Variants in PRH1 observed in about 807,000 individuals in gnomAD.
The protein encoded by PRH1 is salivary acidic proline-rich phosphoprotein 1/2.
Under a neutral mutation model 7.9 loss-of-function variants are expected in PRH1, and 7 were observed. The observed-to-expected ratio is 0.89, with a 90% CI of 0.50 to 1.67. PRH1 has a LOEUF of 1.67. Among genes scored for constraint, PRH1 ranks in the 40% most tolerant of loss-of-function variants. PRH1 has a pLI of 0.00. For synonymous variants in PRH1, 45 were observed against 80.8 expected, an observed-to-expected ratio of 0.56 and a Z score of 2.38; for missense variants, 109 against 223.6, an observed-to-expected ratio of 0.49 and a Z score of 3.27.
chr12:10,933,868 T>G (rs1591695079), intron 2 of PRH1, among the ~76,000 whole-genome samples: 1 of 152,082 alleles, frequency 6.6e-6, no homozygotes, highest in East Asian at 1.9e-4. Context: ...AACAAGCACA[T>G]AACAGAGATA....
intron 1 of PRH1, among the ~76,000 whole-genome samples, chr12:10,978,750 A>T (rs1209324090): frequency 2.0e-5 from 3 of 151,706 alleles, no homozygotes; most frequent in Non-Finnish European, 4.4e-5. Context: ...CCATTTAAAA[A>T]TGAATAAAAG....
rs766350254 is a variant in PRH1 at position 11,134,013 on chromosome 12, C to T, written n.40-12833G>A. 3 of 1,614,070 alleles carry T rather than the reference C, an allele frequency of 1.9e-6. No homozygotes were observed. In the Admixed American group the frequency reaches 5.0e-5, roughly 27 times the overall value. On this transcript the variant is annotated intron_variant and non_coding_transcript_variant, in intron 1 of 1. Transcript: ENST00000541175. ...TTATAAGCAGTAATTCTTACTTCTA[C>T]ACTATAAAAAGCTGGATTCAACTGA... is the stretch of plus-strand genomic sequence containing the variant.
intron 1 of PRH1, among the ~76,000 whole-genome samples, chr12:11,147,341 C>A (rs1375403245): frequency 6.6e-6 from 1 of 152,054 alleles, no homozygotes; most frequent in Admixed American, 6.6e-5. Context: ...GTGTGTGCCA[C>A]CACACACCGC....
intron 1 of PRH1, among the ~76,000 whole-genome samples, chr12:11,029,439 T>C (rs924950139): frequency 6.6e-6 from 1 of 152,208 alleles, no homozygotes; most frequent in African/African-American, 2.4e-5. Context: ...TGATTTTATT[T>C]TTCAAAAAGA....
intron 1 of PRH1, chr12:11,091,246 A>C: frequency 2.7e-6 from 3 of 1,107,260 alleles, no homozygotes; most frequent in Non-Finnish European, 2.5e-6. Context: ...AAAATGTTTC[A>C]TACACCACCA....
In PRH1 at chr12:10,986,377, T is replaced by G. The variant is rs1319836675; in HGVS notation, c.-125-12656A>C. 5.6e-6 allele frequency: 9 copies of G among 1,614,038 alleles called. No homozygotes were observed. In the East Asian group the frequency reaches 2.0e-4, roughly 36 times the overall value. ...TTCCTCAATTTCATCTTCCCAGTCATGTTTCCTTCATATTCTTCTGCCCAC... is the reference window on the plus strand; with the variant it reads ...TTCCTCAATTTCATCTTCCCAGTCAGGTTTCCTTCATATTCTTCTGCCCAC... On this transcript the variant is annotated intron_variant, in intron 1 of 3. Transcript: ENST00000539853.
upstream of PRH1, chr12:11,047,225 C>G: frequency 3.0e-6 from 1 of 329,544 alleles, no homozygotes; most frequent in South Asian, 2.4e-5. Flanking sequence ...GAAAGAGATG[C>G]TTGAGGAGCC....
intron 1 of PRH1, among the ~76,000 whole-genome samples, chr12:11,150,622 A>G (rs932922502): frequency 1.3e-5 from 2 of 152,180 alleles, no homozygotes; most frequent in African/African-American, 4.8e-5. Flanking sequence ...TTGAACAATG[A>G]GAACACATGG....
chr12:11,105,440 A>G (rs1276569353), intron 1 of PRH1, among the ~76,000 whole-genome samples: 2 of 152,154 alleles, frequency 1.3e-5, no homozygotes, highest in Admixed American at 1.3e-4. Context: ...TCTGTGACCA[A>G]TGTCAAACAG....
At chr12:11,146,656 C>T (rs114049464) in intron 1 of PRH1, among the ~76,000 whole-genome samples, 1,578 of 152,144 alleles carry the variant, frequency 0.01, 31 homozygotes, top group African/African-American at 0.035. Context: ...TCCTCACCTA[C>T]CCTGAATTTA....
intron 1 of PRH1, among the ~76,000 whole-genome samples, chr12:10,981,988 A>G (rs756629839): frequency 1.3e-5 from 2 of 151,896 alleles, no homozygotes; most frequent in Non-Finnish European, 2.9e-5. Flanking sequence ...AGCTGCCTCA[A>G]TAGGACTGGA....
rs899446950 is a variant in PRH1 at position 11,086,695 on chromosome 12, C to A, written n.124-39507G>T. Among the ~76,000 whole-genome samples the A allele has an allele frequency of 4.8e-5, 6 of 123,812 alleles. 1 individual carries two copies. Among genetic ancestry groups the A allele is most frequent in the African/African-American group, 1.7e-4 (6 of 36,146 alleles). 81.2% of individuals were successfully genotyped at this position (123,812 alleles called of 152,430 possible). A position where few individuals can be genotyped will look rare whatever the true frequency, so the allele number is the denominator to read the frequency against. Reference sequence around the variant, plus strand: ...TTGGGAGGCTGAGGCAGGTGCATCACCTGAGGTCAGGAGTTTGAAACCAGC... The same window carrying A: ...TTGGGAGGCTGAGGCAGGTGCATCAACTGAGGTCAGGAGTTTGAAACCAGC... On this transcript the variant is annotated intron_variant and non_coding_transcript_variant, in intron 1 of 4. Transcript: ENST00000541977.
intron 2 of PRH1, among the ~76,000 whole-genome samples, chr12:10,910,779 T>A (rs928545750): frequency 6.6e-6 from 1 of 152,176 alleles, no homozygotes; most frequent in African/African-American, 2.4e-5. Context: ...TATAAGATAA[T>A]AAGTAGCCAT....
chr12:11,088,253 A>G (rs1944775676), intron 1 of PRH1, among the ~76,000 whole-genome samples: 1 of 122,292 alleles, frequency 8.2e-6, no homozygotes, highest in Non-Finnish European at 1.9e-5. Context: ...AGGTGGGGGA[A>G]TCACTTGAGC....
At chr12:11,170,805 A>ATCC (rs1947811778) in intron 1 of PRH1, among the ~76,000 whole-genome samples, 2 of 152,244 alleles carry the variant, frequency 1.3e-5, no homozygotes, top group African/African-American at 4.8e-5. Context: ...TTCCTAATAA[A>ATCC]TAGAAAAATC....
chr12:10,882,218 T>C lies in PRH1; in HGVS notation c.*17A>G, dbSNP rs770778963. ...ATGGATAATAAACTGGAATCGTACCTGTCATTGAATCCTAGATTACTGAGG... is the reference window on the plus strand; with the variant it reads ...ATGGATAATAAACTGGAATCGTACCCGTCATTGAATCCTAGATTACTGAGG... On this transcript the variant is annotated splice_region_variant and 3_prime_UTR_variant, in exon 3 of 4. Transcript: ENST00000543626. 1 of 1,613,550 alleles carries C rather than the reference T, an allele frequency of 6.2e-7. No individual in the cohort carries two copies. The highest frequency in any genetic ancestry group is 8.5e-7 in the Non-Finnish European group (1 of 1,179,904).
chr12:10,995,560 C>T (rs979250144), intron 1 of PRH1, among the ~76,000 whole-genome samples: 1 of 151,986 alleles, frequency 6.6e-6, no homozygotes, highest in African/African-American at 2.4e-5. Context: ...AAGACATTTC[C>T]TATCATTAAT....
At chr12:11,137,650 T>A (rs1461611505) in intron 1 of PRH1, among the ~76,000 whole-genome samples, 2 of 152,218 alleles carry the variant, frequency 1.3e-5, no homozygotes, top group Non-Finnish European at 2.9e-5. Flanking sequence ...TAAATAATTA[T>A]TTGCTTAAGC....
chr12:10,939,034 C>T (rs146764483), intron 2 of PRH1: 183 of 1,613,758 alleles, frequency 1.1e-4, no homozygotes, highest in Non-Finnish European at 1.4e-4. Context: ...TTAACCAAAC[C>T]AGGCTAATTC....
Sources: allele counts gnomAD v4.1 joint callset (sites outside exome capture counted in the v4.1 genomes callset), GRCh38; gene constraint gnomAD v4.1.1; transcripts MANE v1.5; gene names NCBI Gene and HGNC (gene_info 2026-07-23, HGNC 2026-07-21).